Variants in ART1 observed in about 807,000 individuals in gnomAD.
The protein encoded by ART1 is ADP-ribosyltransferase 1.
ART1 carries 29 observed loss-of-function variants against 27.0 expected under a neutral mutation model. That is an observed-to-expected ratio of 1.08 (90% CI 0.80 to 1.47). ART1 has a LOEUF of 1.47. Ranked by LOEUF, ART1 falls within the 40% of genes most tolerant of loss-of-function variation. The pLI, the probability that ART1 is intolerant of heterozygous loss-of-function variation, is 0.00. For missense variants in ART1, 480 were observed against 423.0 expected, an observed-to-expected ratio of 1.13 and a Z score of -1.18; for synonymous variants, 201 against 172.2, an observed-to-expected ratio of 1.17 and a Z score of -1.31.
At chr11:3,652,049 C>A (rs1219027342) in intron 1 of ART1, among the ~76,000 whole-genome samples, 1 of 151,654 alleles carries the variant, frequency 6.6e-6, no homozygotes, top group East Asian at 1.9e-4. Flanking sequence ...AAGGAAATAA[C>A]TTCTCAGTGT....
At chr11:3,653,552 C>T (rs569847200) in intron 1 of ART1, among the ~76,000 whole-genome samples, 1 of 152,090 alleles carries the variant, frequency 6.6e-6, no homozygotes, top group Non-Finnish European at 1.5e-5. Context: ...TCTTTTCGGA[C>T]TCAGTCCACC....
intron 1 of ART1, among the ~76,000 whole-genome samples, chr11:3,652,487 C>A (rs1470607667): frequency 6.6e-6 from 1 of 152,078 alleles, no homozygotes; most frequent in African/African-American, 2.4e-5. Context: ...CAAGCTCAGC[C>A]ACCAACTTAA....
chr11:3,652,102 C>A (rs911231319), intron 1 of ART1, among the ~76,000 whole-genome samples: 8 of 151,412 alleles, frequency 5.3e-5, no homozygotes, highest in African/African-American at 1.7e-4. Flanking sequence ...ATTCAGGCCC[C>A]CTCCCTTCCC....
rs749796986 is a variant in ART1 at position 3,659,762 on chromosome 11, G to A, written c.243G>A (p.Leu81=). ...ANQVYADSWT[L]ASSQWQERQA... ...AGGTGTATGCAGACAGCTGGACACT[G>A]GCAAGCAGCCAATGGCAGGAGCGTC... is the stretch of plus-strand genomic sequence containing the variant. The change falls in exon 3 of 5, where the codon CTG becomes CTA. Residue 81 remains leucine, a synonymous_variant. Transcript: ENST00000250693. The A allele has an allele frequency of 1.7e-5, 27 of 1,613,642 alleles. No individual in the cohort carries two copies. Among genetic ancestry groups the A allele is most frequent in the Non-Finnish European group, 2.5e-6 (3 of 1,179,918 alleles).
chr11:3,659,748 G>C lies in ART1; in HGVS notation c.229G>C (p.Asp77His), dbSNP rs758082786. 12 of 1,613,782 alleles carry C rather than the reference G, an allele frequency of 7.4e-6. No individual in the cohort carries two copies. In the South Asian group the frequency reaches 1.1e-4, roughly 15 times the overall value. ...GTTCCAGGCCAACCAGGTGTATGCA[G>C]ACAGCTGGACACTGGCAAGCAGCCA... The part of the protein sequence containing the change: ...TEFQANQVYA[D>H]SWTLASSQWQ... The change falls in exon 3 of 5, where the codon GAC becomes CAC. Residue 77 changes from aspartate (D) to histidine (H), a missense_variant. Transcript: ENST00000250693.
chr11:3,655,928 CTTTTT>C (rs761533207), intron 1 of ART1, among the ~76,000 whole-genome samples: 5 of 109,010 alleles, frequency 4.6e-5, no homozygotes, highest in Admixed American at 2.3e-4. Context: ...GAGCTCAAGT[CTTTTT>C]TTTTTTTTTT....
At chr11:3,659,514 G>A in intron 2 of ART1, 69 bp from the exon 3 acceptor site, 2 of 1,503,190 alleles carry the variant, frequency 1.3e-6, no homozygotes, top group Non-Finnish European at 1.8e-6. Flanking sequence ...GGAGGGGAGA[G>A]CTGGATGGCA....
Position 3,664,151 on chromosome 11 carries a change from G to A in ART1, c.946G>A (p.Val316Met), listed in dbSNP as rs545567510. Residue 316 changes from valine to methionine, a missense_variant, in exon 5 of 5, where the codon GTG becomes ATG. Coordinates refer to ENST00000250693, the MANE Select transcript of ART1 (RefSeq NM_004314.3). ...WSLLLLLWFL[V>M]VRAFPDGPGL... ...TTTGCTGCTGCTGCTCTGGTTCCTC[G>A]TGGTGAGGGCCTTTCCAGATGGTCC... 1.7e-5 allele frequency: 27 copies of A among 1,613,992 alleles called. No individual in the cohort carries two copies. The highest frequency in any genetic ancestry group is 1.6e-4 in the Middle Eastern group (1 of 6,062).
intron 3 of ART1, among the ~76,000 whole-genome samples, chr11:3,660,603 G>A (rs1417964208): frequency 1.3e-5 from 2 of 152,218 alleles, no homozygotes; most frequent in Non-Finnish European, 2.9e-5. Context: ...AGGCTGAAGA[G>A]GTTTCCTGGC....
rs374138196 is a variant in ART1 at position 3,660,072 on chromosome 11, C to T, written c.553C>T (p.Arg185Cys). The change falls in exon 3 of 5, where the codon CGC becomes TGC. Residue 185 changes from arginine to cysteine, a missense_variant. Arg to Cys is a radical substitution (Grantham distance 180). Coordinates refer to ENST00000250693, the MANE Select transcript of ART1 (RefSeq NM_004314.3). ...HQVFRGVHGL[R>C]FRPAGPRATV... ...GGTGTTCCGAGGTGTGCACGGCCTG[C>T]GCTTCCGGCCAGCAGGGCCCCGGGC... 60 of 1,613,434 alleles carry T rather than the reference C, an allele frequency of 3.7e-5. No homozygotes were observed. Among genetic ancestry groups the T allele is most frequent in the Non-Finnish European group, 5.0e-5 (59 of 1,179,920 alleles).
chr11:3,652,240 C>A (rs983346357), intron 1 of ART1, among the ~76,000 whole-genome samples: 1 of 151,080 alleles, frequency 6.6e-6, no homozygotes, highest in Non-Finnish European at 1.5e-5. Flanking sequence ...AGGTACAGGC[C>A]TTTCCTACAA....
At chr11:3,653,504 T>C (rs866172423) in intron 1 of ART1, among the ~76,000 whole-genome samples, 1 of 151,136 alleles carries the variant, frequency 6.6e-6, no homozygotes. Flanking sequence ...ACCCAAATCC[T>C]ATAAAACGGA....
rs140233404 is a variant in ART1, at chr11:3,657,419, A to G, written c.-52-1743A>G. On this transcript the variant is annotated intron_variant, in intron 1 of 4. Transcript: ENST00000250693. Reference sequence around the variant, plus strand: ...GCAAAACCCCACCTCTACAAAAAATATAAAAATAAGCCAGGCATCGTGATG... The same window carrying G: ...GCAAAACCCCACCTCTACAAAAAATGTAAAAATAAGCCAGGCATCGTGATG... 6.8e-3 allele frequency among the ~76,000 whole-genome samples: 1,039 copies of G among 152,308 alleles called. 22 individuals are homozygous for G. The highest frequency in any genetic ancestry group is 0.024 in the African/African-American group (1,004 of 41,556).
chr11:3,647,619 G>A (rs2077479769), intron 1 of ART1, among the ~76,000 whole-genome samples: 1 of 152,024 alleles, frequency 6.6e-6, no homozygotes, highest in South Asian at 2.1e-4. Context: ...GGGCGACAGA[G>A]TGAGACCCTG....
intron 1 of ART1, among the ~76,000 whole-genome samples, chr11:3,656,374 ATTTATTTATTTATTTT>A (rs1467675682): frequency 1.2e-4 from 14 of 120,972 alleles, no homozygotes; most frequent in Non-Finnish European, 2.6e-4. Flanking sequence ...TTATTTATTT[ATTTATTTATTTATTTT>A]TTAAATTTTT....
intron 1 of ART1, among the ~76,000 whole-genome samples, chr11:3,653,248 G>C (rs183291932): frequency 6.1e-5 from 9 of 148,688 alleles, no homozygotes; most frequent in Admixed American, 5.9e-4. Context: ...CTGAGCCGAA[G>C]CTAAGCCATC....
intron 1 of ART1, among the ~76,000 whole-genome samples, chr11:3,653,520 C>A (rs974795966): frequency 4.0e-5 from 6 of 151,814 alleles, no homozygotes; most frequent in South Asian, 2.1e-4. Context: ...ACGGACCCAC[C>A]CTTATCTCCC....
chr11:3,649,790 C>G (rs981550770), intron 1 of ART1, among the ~76,000 whole-genome samples: 1 of 152,176 alleles, frequency 6.6e-6, no homozygotes, highest in Non-Finnish European at 1.5e-5. Flanking sequence ...TTTTCTTTAT[C>G]CGACCTCTCC....
chr11:3,657,467 C>T (rs777668392), intron 1 of ART1, among the ~76,000 whole-genome samples: 11 of 152,104 alleles, frequency 7.2e-5, no homozygotes, highest in Non-Finnish European at 1.0e-4. Flanking sequence ...CCCAGCTACT[C>T]GGGAGGCTGA....
Sources: gnomAD v4.1 joint callset for allele counts (sites outside exome capture counted in the v4.1 genomes callset) on GRCh38, gnomAD v4.1.1 for gene constraint, MANE v1.5 for transcripts, NCBI Gene and HGNC (gene_info 2026-07-23, HGNC 2026-07-21) for gene names.